MSL3: variants seen among roughly 807,000 people sequenced by gnomAD.
MSL3 encodes MSL complex subunit 3, also known as MSL3-like 1.
In MSL3, 5 loss-of-function variants were observed where a neutral mutation model predicts 37.2. The observed-to-expected ratio is 0.13, with a 90% CI of 0.07 to 0.28. MSL3 has a LOEUF of 0.28. Ranked by LOEUF, MSL3 falls within the 10% of genes least tolerant of loss-of-function variation. The probability of loss-of-function intolerance (pLI) is 1.00; values close to 1 mark genes in which losing one functional copy is unlikely to be tolerated. For synonymous variants in MSL3, 149 were observed against 147.6 expected (o/e 1.01, Z -0.07); for missense variants, 315 against 408.5 (o/e 0.77, Z 1.97).
chrX:11,763,838 C>T lies in MSL3; in HGVS notation c.808C>T (p.Pro270Ser). ...AAGAATAACCTTTGATTACACTCTC[C>T]CGTTGGTTTTACTCTATCCATATGA... ...GLRITFDYTL[P>S]LVLLYPYEQA... Residue 270 changes from proline to serine, a missense_variant, in exon 8 of 13, where the codon CCG becomes TCG. By Grantham distance (74) the Pro-to-Ser change is moderately conservative. Coordinates refer to ENST00000312196, the MANE Select transcript of MSL3 (RefSeq NM_078629.4). The T allele has an allele frequency of 8.3e-7, 1 of 1,205,425 alleles. No homozygotes were observed. The highest frequency in any genetic ancestry group is 1.1e-6 in the Non-Finnish European group (1 of 890,249).
chrX:11,758,224 C>T (rs1451139778), upstream of MSL3: 3 of 721,665 alleles, frequency 4.2e-6, no homozygotes, highest in Non-Finnish European at 5.5e-6. Context: ...CGCGCGCGCT[C>T]CGCCCGCCCC....
intron 1 of MSL3, chrX:11,758,582 GCACGCGCGGTTGGGAGCCTCGCC>G: frequency 9.0e-7 from 1 of 1,115,969 alleles, no homozygotes; most frequent in Non-Finnish European, 1.2e-6. Flanking sequence ...GCCGGGCGGC[GCACGCGCGGTTGGGAGCCTCGCC>G]CATGCTTTGT....
At position 11,764,317 on chromosome X, in the gene MSL3, C is replaced by T. The variant is rs201034030; in HGVS notation, c.908+379C>T. 4 of 122,650 alleles carry T rather than the reference C, an allele frequency of 3.3e-5. No individual in the cohort carries two copies. In the East Asian group the frequency reaches 9.7e-4, roughly 30 times the overall value. The allele number at this position is 122,650 out of a possible 1,213,427, so 10.1% of individuals were successfully genotyped here. On this transcript the variant is annotated intron_variant, in intron 8 of 12. Transcript: ENST00000312196. ...TTAGTTGCAGAGGTTTCTTAGGAGC[C>T]TCCTTCTTTTGCAGGTGTGGGATGG...
At position 11,762,958 on chromosome X, in the gene MSL3, A is replaced by G; in HGVS notation, c.710A>G (p.His237Arg). ...CCTCGTCACCATCACGTTATGCCAC[A>G]TGCCAACATGAACGTGCATTATATC... is the stretch of plus-strand genomic sequence containing the variant. ...ERPRHHHVMPHANMNVHYIPA... is the reference protein window; with the variant it reads ...ERPRHHHVMPRANMNVHYIPA... The change falls in exon 7 of 13, where the codon CAT (histidine) becomes CGT (arginine). Residue 237 changes from histidine (H) to arginine (R), a missense_variant. Coordinates refer to ENST00000312196, the MANE Select transcript of MSL3 (RefSeq NM_078629.4). The G allele has an allele frequency of 8.3e-7, 1 of 1,207,665 alleles. No individual in the cohort carries two copies. Among genetic ancestry groups the G allele is most frequent in the South Asian group, 1.8e-5 (1 of 56,000 alleles).
intron 10 of MSL3, among the ~76,000 whole-genome samples, chrX:11,770,492 T>C (rs899034589): frequency 8.9e-6 from 1 of 111,784 alleles, no homozygotes; most frequent in African/African-American, 3.3e-5. Context: ...AGTTTGAAAG[T>C]GCTTTCTGGG....
At chrX:11,769,881 C>T (rs969651587) in intron 10 of MSL3, among the ~76,000 whole-genome samples, 6 of 112,827 alleles carry the variant, frequency 5.3e-5, no homozygotes, top group Non-Finnish European at 9.4e-5. Context: ...GCTGGGGTTA[C>T]AGGCATGAGC....
chrX:11,768,658 G>A lies in MSL3; in HGVS notation c.1257G>A (p.Gly419=). Residue 419 remains glycine, a synonymous_variant, in exon 10 of 13, where the codon GGG becomes GGA. Coordinates refer to ENST00000312196, the MANE Select transcript of MSL3 (RefSeq NM_078629.4). ...EGSAVFAGFE[G]RRTNEINEVL... ...GTGCTGTGTTTGCTGGCTTTGAAGG[G>A]AGAAGAACTAATGAAATAAACGAGG... 8.4e-7 allele frequency: 1 copy of A among 1,191,832 alleles called. No individual in the cohort carries two copies. The highest frequency in any genetic ancestry group is 2.2e-5 in the Admixed American group (1 of 46,044).
chrX:11,771,859 G>A (rs1300198273), intron 10 of MSL3, among the ~76,000 whole-genome samples: 1 of 112,424 alleles, frequency 8.9e-6, no homozygotes, highest in African/African-American at 3.2e-5. Flanking sequence ...GGGATTACAG[G>A]TGTGAGCCAC....
At chrX:11,772,110 G>A in intron 10 of MSL3, 46 bp from the exon 11 acceptor site, 1 of 931,227 alleles carries the variant, frequency 1.1e-6, no homozygotes, top group East Asian at 3.1e-5. Context: ...GGTTGGAAGT[G>A]TCTCCATTAA....
intron 6 of MSL3, 83 bp from the exon 7 acceptor site, chrX:11,762,754 T>A: frequency 1.1e-6 from 1 of 928,753 alleles, no homozygotes; most frequent in Non-Finnish European, 1.5e-6. Context: ...TAAAAAATGA[T>A]ACAGACATGA....
chrX:11,771,412 G>C (rs2147252409), intron 10 of MSL3, among the ~76,000 whole-genome samples: 1 of 112,806 alleles, frequency 8.9e-6, no homozygotes, highest in South Asian at 3.6e-4. Flanking sequence ...CAGGTTTGAA[G>C]TCTATTTCAG....
intron 9 of MSL3, chrX:11,766,051 T>C: frequency 1.0e-6 from 1 of 959,021 alleles, no homozygotes; most frequent in East Asian, 3.9e-5. Context: ...GCATTCAAAA[T>C]GAGCAATGCT....
chrX:11,759,433 C>T (rs991557813), intron 1 of MSL3: 1 of 191,281 alleles, frequency 5.2e-6, no homozygotes, highest in Non-Finnish European at 9.0e-6. Context: ...CTCCAGCTAG[C>T]CATCCTGGCA....
At chrX:11,768,108 C>A in intron 9 of MSL3, 1 of 223,687 alleles carries the variant, frequency 4.5e-6, no homozygotes, top group Non-Finnish European at 6.5e-6. Context: ...ACAGTTCAAT[C>A]CAGTAGTTTT....
Position 11,773,764 on chromosome X carries a change from G to A in MSL3, c.1466+1059G>A, listed in dbSNP as rs182772054. ...ATACAAAATAGAAATTAGAATTTTA[G>A]GAAGTAACTTAGGAGGACTTACTAA... On this transcript the variant is annotated intron_variant, in intron 12 of 12. Transcript: ENST00000312196. 8.0e-3 allele frequency among the ~76,000 whole-genome samples: 897 copies of A among 112,132 alleles called. 3 individuals carry two copies. The highest frequency in any genetic ancestry group is 0.011 in the Non-Finnish European group (611 of 53,234).
In MSL3 at chrX:11,768,617, C is replaced by G. The variant is rs1252308553; in HGVS notation, c.1216C>G (p.Pro406Ala). ...ATCATCTTCACCTATTCCTCTGACT[C>G]CTAGCAAGGAAGGGAGTGCTGTGTT... ...SRSSSPIPLT[P>A]SKEGSAVFAG... Residue 406 changes from proline (P) to alanine (A), a missense_variant, in exon 10 of 13, where the codon CCT (proline) becomes GCT (alanine). Pro to Ala is a conservative substitution (Grantham distance 27). Coordinates refer to ENST00000312196, the MANE Select transcript of MSL3 (RefSeq NM_078629.4). The G allele has an allele frequency of 6.6e-6, 8 of 1,206,885 alleles. No individual in the cohort carries two copies. The highest frequency in any genetic ancestry group is 7.8e-6 in the Non-Finnish European group (7 of 892,327).
rs143225215 is a variant in MSL3, at chrX:11,762,983, C to A, written c.735C>A (p.Ile245=). ...MPHANMNVHY[I]PAEKNVDLCK... ...ATGCCAACATGAACGTGCATTATAT[C>A]CCAGCAGAAAAGAAGTGAGTACTGG... The change falls in exon 7 of 13, where the codon ATC becomes ATA. Residue 245 remains isoleucine, a synonymous_variant. Coordinates refer to ENST00000312196, the MANE Select transcript of MSL3 (RefSeq NM_078629.4). 295 of 1,204,211 alleles carry A rather than the reference C, an allele frequency of 2.4e-4. No individual in the cohort carries two copies. The African/African-American group carries it at 4.4e-3, about 18-fold the overall frequency.
chrX:11,759,878 G>A lies in MSL3; in HGVS notation c.185+3G>A. The stretch of plus-strand genomic sequence containing the variant: ...CATTTTAATGGTTGGAACAGAAGGT[G>A]AGTGAACTTGTTAAACCAGACTGAA... On this transcript the variant is annotated splice_donor_region_variant and intron_variant, in intron 2 of 12. Transcript: ENST00000312196. 2 of 1,209,124 alleles carry A rather than the reference G, an allele frequency of 1.7e-6. No individual in the cohort carries two copies. The highest frequency in any genetic ancestry group is 1.8e-5 in the South Asian group (1 of 56,603).
At chrX:11,762,809 C>T (rs753217999) in intron 6 of MSL3, 28 bp from the exon 7 acceptor site, 1 of 1,181,348 alleles carries the variant, frequency 8.5e-7, no homozygotes, top group South Asian at 1.8e-5. Flanking sequence ...AGGATGCATA[C>T]ATCAGATGTC....
Sources: allele counts gnomAD v4.1 joint callset (sites outside exome capture counted in the v4.1 genomes callset), GRCh38; gene constraint gnomAD v4.1.1; transcripts MANE v1.5; gene names NCBI Gene and HGNC (gene_info 2026-07-23, HGNC 2026-07-21).